CHST11: variants seen among roughly 807,000 people sequenced by gnomAD.
CHST11 encodes the protein C4S-1.
In CHST11, 9 loss-of-function variants were observed where a neutral mutation model predicts 30.4. The ratio of observed to expected loss-of-function variants is 0.30; its 90% CI spans 0.18 to 0.52. CHST11 has a LOEUF of 0.52. Ranked by LOEUF, CHST11 falls within the 20% of genes least tolerant of loss-of-function variation. CHST11 has a pLI of 0.97. For synonymous variants in CHST11, 152 were observed against 187.8 expected (o/e 0.81, Z 1.56); for missense variants, 348 against 460.6 (o/e 0.76, Z 2.24).
chr12:104,750,454 T>TTTTTTTTTTTTG (rs1566064735), intron 2 of CHST11, among the ~76,000 whole-genome samples: 11 of 122,180 alleles, frequency 9.0e-5, no homozygotes, highest in Non-Finnish European at 1.7e-4. Context: ...TTTTTTTTTT[T>TTTTTTTTTTTTG]TTGTTGAGAC....
intron 1 of CHST11, among the ~76,000 whole-genome samples, chr12:104,486,022 A>G (rs2037674791): frequency 6.6e-6 from 1 of 152,072 alleles, no homozygotes; most frequent in African/African-American, 2.4e-5. Flanking sequence ...GCATGTGTGC[A>G]CGTGTGTGCC....
Position 104,683,898 on chromosome 12 carries a change from C to G in CHST11, c.205-73051C>G, listed in dbSNP as rs138429177. On this transcript the variant is annotated intron_variant, in intron 2 of 2. Transcript: ENST00000303694. Reference sequence around the variant, plus strand: ...GATTCACCTCTGAACTCAGTTCCATCATGCTAGCATCTGTTAGCCAAGTAA... The same window carrying G: ...GATTCACCTCTGAACTCAGTTCCATGATGCTAGCATCTGTTAGCCAAGTAA... Among the ~76,000 whole-genome samples the G allele has an allele frequency of 6.6e-5, 10 of 152,292 alleles. No homozygotes were observed. The East Asian group carries it at 1.7e-3, about 26-fold the overall frequency.
intron 2 of CHST11, among the ~76,000 whole-genome samples, chr12:104,654,957 C>T (rs1166410184): frequency 6.6e-6 from 1 of 152,218 alleles, no homozygotes; most frequent in East Asian, 1.9e-4. Flanking sequence ...CTTGAAGCAT[C>T]TGGTCCTGTG....
At position 104,757,639 on chromosome 12, in the gene CHST11, C is replaced by T. The variant is rs1414224545; in HGVS notation, c.895C>T (p.Leu299=). 4 of 1,614,150 alleles carry T rather than the reference C, an allele frequency of 2.5e-6. No individual in the cohort carries two copies. Among genetic ancestry groups the T allele is most frequent in the Non-Finnish European group, 3.4e-6 (4 of 1,180,036 alleles). ...GCAGCTGGCAGGAGTGGGCAGCTAC[C>T]TGAAGTTCCCCACCTATGCAAAGTC... ...VLQLAGVGSY[L]KFPTYAKSTR... The change falls in exon 3 of 3, where the codon CTG becomes TTG. Residue 299 remains leucine, a synonymous_variant. Transcript: ENST00000303694. The surrounding 1 kb of genome is among the most constrained non-coding windows in gnomAD (Gnocchi z 6.5).
intron 1 of CHST11, among the ~76,000 whole-genome samples, chr12:104,547,153 G>A (rs1234552331): frequency 6.6e-6 from 1 of 152,218 alleles, no homozygotes; most frequent in Non-Finnish European, 1.5e-5. Context: ...CTGTGATAGG[G>A]GAGTAATTGA....
Position 104,458,714 on chromosome 12 carries a change from A to G in CHST11, c.118+1185A>G, listed in dbSNP as rs1010083812. Among the ~76,000 whole-genome samples the G allele has an allele frequency of 6.6e-6, 1 of 152,242 alleles. No individual in the cohort carries two copies. The highest frequency in any genetic ancestry group is 2.4e-5 in the African/African-American group (1 of 41,452). On this transcript the variant is annotated intron_variant, in intron 1 of 2. Coordinates refer to ENST00000303694, the MANE Select transcript of CHST11 (RefSeq NM_018413.6). The surrounding 1 kb of genome is among the most constrained non-coding windows in gnomAD (Gnocchi z 5.7). ...TCTACGCCTCCGAGTTGCCTTTCTC[A>G]GCGTAGTCACAGCAATAATTTGCTT...
intron 2 of CHST11, among the ~76,000 whole-genome samples, chr12:104,652,961 A>G (rs1204933980): frequency 2.0e-5 from 3 of 152,096 alleles, no homozygotes; most frequent in Non-Finnish European, 4.4e-5. Flanking sequence ...CACTCGTTCC[A>G]TCTAGGGAGG....
intron 2 of CHST11, among the ~76,000 whole-genome samples, chr12:104,744,661 A>G (rs1401519242): frequency 6.6e-6 from 1 of 152,028 alleles, no homozygotes; most frequent in Non-Finnish European, 1.5e-5. Context: ...CGGTATCTTC[A>G]TCATGAAGTC....
intron 1 of CHST11, among the ~76,000 whole-genome samples, chr12:104,524,843 T>C (rs1795873): frequency 0.2 from 31,046 of 152,208 alleles, 3,307 homozygotes; most frequent in East Asian, 0.34. Flanking sequence ...GTCAAATTCT[T>C]CCTTGACACA....
intron 2 of CHST11, among the ~76,000 whole-genome samples, chr12:104,631,363 T>TAG (rs2039268391): frequency 6.6e-6 from 1 of 152,192 alleles, no homozygotes. Context: ...CGGACCCTGT[T>TAG]GGTGCTGTGC....
chr12:104,707,261 T>C (rs1459913670), intron 2 of CHST11, among the ~76,000 whole-genome samples: 12 of 152,230 alleles, frequency 7.9e-5, no homozygotes. Context: ...ATTTGCTAAA[T>C]GGGTGGGTGA....
intron 1 of CHST11, among the ~76,000 whole-genome samples, chr12:104,532,523 G>T (rs556528509): frequency 2.6e-5 from 4 of 151,862 alleles, no homozygotes; most frequent in Non-Finnish European, 4.4e-5. Flanking sequence ...GGTGCAGAGC[G>T]TCCATGCCCT....
chr12:104,753,249 T>A (rs1219875298), intron 2 of CHST11, among the ~76,000 whole-genome samples: 1 of 152,188 alleles, frequency 6.6e-6, no homozygotes, highest in Admixed American at 6.5e-5. Context: ...CCACAAATCG[T>A]TTTCCACGTT....
At chr12:104,518,646 T>G (rs1009257057) in intron 1 of CHST11, among the ~76,000 whole-genome samples, 1 of 152,190 alleles carries the variant, frequency 6.6e-6, no homozygotes, top group South Asian at 2.1e-4. Context: ...GTGTGTCACT[T>G]TGCAGGAAAA....
At chr12:104,705,869 A>G (rs1169120493) in intron 2 of CHST11, among the ~76,000 whole-genome samples, 1 of 151,984 alleles carries the variant, frequency 6.6e-6, no homozygotes, top group Admixed American at 6.5e-5. Flanking sequence ...GCAGTGAGCC[A>G]AGATCGCACC....
chr12:104,603,697 T>G (rs1262107003), intron 2 of CHST11, among the ~76,000 whole-genome samples: 1 of 152,238 alleles, frequency 6.6e-6, no homozygotes, highest in Non-Finnish European at 1.5e-5. Context: ...GTCATTTTTG[T>G]GGTCAGGAGG....
intron 1 of CHST11, among the ~76,000 whole-genome samples, chr12:104,495,323 T>C (rs972665830): frequency 2.6e-5 from 4 of 152,150 alleles, no homozygotes; most frequent in African/African-American, 7.2e-5. Flanking sequence ...TCAATTCTTT[T>C]GAAAGAATTG....
chr12:104,711,887 G>A (rs191241312), intron 2 of CHST11, among the ~76,000 whole-genome samples: 44 of 152,222 alleles, frequency 2.9e-4, no homozygotes, highest in African/African-American at 9.1e-4. Context: ...AGAAGCTTCC[G>A]GGAGGCTTCA....
chr12:104,663,837 A>G (rs571929617), intron 2 of CHST11, among the ~76,000 whole-genome samples: 7 of 152,264 alleles, frequency 4.6e-5, no homozygotes, highest in African/African-American at 1.7e-4. Context: ...TGACTTTGTT[A>G]TTCTTGTTCC....
Sources: allele counts gnomAD v4.1 joint callset (sites outside exome capture counted in the v4.1 genomes callset), GRCh38; gene constraint gnomAD v4.1.1; non-coding constraint Gnocchi (gnomAD v3.1); transcripts MANE v1.5; gene names NCBI Gene and HGNC (gene_info 2026-07-23, HGNC 2026-07-21).